FANCB: variants seen among roughly 807,000 people sequenced by gnomAD.
FANCB encodes Fanconi anemia group B protein.
In FANCB, 5 loss-of-function variants were observed where a neutral mutation model predicts 38.9. The observed-to-expected ratio is 0.13, with a 90% CI of 0.07 to 0.27. The LOEUF is 0.27. Among genes scored for constraint, FANCB ranks in the 10% least tolerant of loss-of-function variants. The probability of loss-of-function intolerance (pLI) is 1.00; values close to 1 mark genes in which losing one functional copy is unlikely to be tolerated. For synonymous variants in FANCB, 236 were observed against 215.4 expected (o/e 1.10, Z -0.84); for missense variants, 573 against 602.7 (o/e 0.95, Z 0.52).
At chrX:14,850,745 A>C in intron 6 of FANCB, 71 bp from the exon 7 acceptor site, 1 of 634,928 alleles carries the variant, frequency 1.6e-6, no homozygotes, top group South Asian at 2.7e-5. Context: ...AAAAAAAAAA[A>C]GTTAAGTGTG....
the FANCB span, among the ~76,000 whole-genome samples, chrX:14,724,616 A>G: frequency 1.1e-5 from 1 of 87,935 alleles, no homozygotes; most frequent in Admixed American, 1.2e-4. Flanking sequence ...ACAAAAGCAA[A>G]ACTCTGTCTC....
At chrX:14,702,156 A>G in the FANCB span, among the ~76,000 whole-genome samples, 2 of 111,856 alleles carry the variant, frequency 1.8e-5, no homozygotes, top group East Asian at 5.6e-4. Context: ...TGCTTTCACT[A>G]CATCATAAAA....
the FANCB span, among the ~76,000 whole-genome samples, chrX:14,770,765 C>G: frequency 8.9e-6 from 1 of 112,172 alleles, no homozygotes; most frequent in African/African-American, 3.2e-5. Context: ...TTTGTAGTGA[C>G]TGATAATGGT....
At chrX:14,828,313 T>C in the FANCB span, among the ~76,000 whole-genome samples, 1 of 112,034 alleles carries the variant, frequency 8.9e-6, no homozygotes, top group Non-Finnish European at 1.9e-5. Context: ...CAGGAAAGAT[T>C]TCTCTGTAGC....
the FANCB span, among the ~76,000 whole-genome samples, chrX:14,745,985 C>T: frequency 9.0e-6 from 1 of 110,813 alleles, no homozygotes; most frequent in Non-Finnish European, 1.9e-5. Context: ...CAGGCGTGAG[C>T]CACCGCACCC....
chrX:14,691,401 C>G, the FANCB span, among the ~76,000 whole-genome samples: 5 of 108,865 alleles, frequency 4.6e-5, no homozygotes, highest in African/African-American at 1.7e-4. Context: ...GTAAATTATG[C>G]CGTACCCATG....
chrX:14,793,270 G>T, the FANCB span, among the ~76,000 whole-genome samples: 162 of 112,274 alleles, frequency 1.4e-3, no homozygotes, highest in Non-Finnish European at 2.2e-3. Context: ...AATGAACATT[G>T]AAAACATTAT....
At chrX:14,859,782 A>G (rs938760339) in intron 3 of FANCB, among the ~76,000 whole-genome samples, 5 of 111,947 alleles carry the variant, frequency 4.5e-5, no homozygotes, top group Admixed American at 9.4e-5. Context: ...CAGACAAATT[A>G]CCCAAGGAAT....
At chrX:14,696,219 CGAGGGAGG>C in the FANCB span, among the ~76,000 whole-genome samples, 9 of 34,937 alleles carry the variant, frequency 2.6e-4, no homozygotes, top group Non-Finnish European at 3.5e-4. Context: ...AGGGAGAGTG[CGAGGGAGG>C]GAGGGAGGGA....
the FANCB span, among the ~76,000 whole-genome samples, chrX:14,787,576 T>C: frequency 9.1e-6 from 1 of 110,110 alleles, no homozygotes; most frequent in African/African-American, 3.3e-5. Flanking sequence ...AGGTAAAGTG[T>C]TGGATATGTT....
the FANCB span, among the ~76,000 whole-genome samples, chrX:14,789,738 T>C: frequency 9.0e-6 from 1 of 111,577 alleles, no homozygotes; most frequent in Non-Finnish European, 1.9e-5. Context: ...CCTTGTGCCA[T>C]TTTCTGTAGC....
intron 1 of FANCB, among the ~76,000 whole-genome samples, chrX:14,870,688 C>T (rs2092492151): frequency 9.0e-6 from 1 of 111,173 alleles, no homozygotes; most frequent in African/African-American, 3.3e-5. Context: ...CTCTTTACTG[C>T]CCCCCCTCTT....
At chrX:14,702,909 A>C in the FANCB span, among the ~76,000 whole-genome samples, 3,255 of 111,343 alleles carry the variant, frequency 0.029, 60 homozygotes, top group Non-Finnish European at 0.047. Context: ...GGAGAGGACA[A>C]GGGGACTCCC....
the FANCB span, among the ~76,000 whole-genome samples, chrX:14,779,197 A>C: frequency 8.9e-6 from 1 of 112,112 alleles, no homozygotes. Context: ...TAACTCCTTC[A>C]CCATTTTCTC....
chrX:14,722,253 G>A, the FANCB span, among the ~76,000 whole-genome samples: 3 of 111,397 alleles, frequency 2.7e-5, no homozygotes, highest in Non-Finnish European at 5.7e-5. Context: ...CAGTAACTGG[G>A]GCTGGAACAG....
the FANCB span, among the ~76,000 whole-genome samples, chrX:14,769,502 T>G: frequency 8.9e-6 from 1 of 112,127 alleles, no homozygotes; most frequent in Admixed American, 9.5e-5. Context: ...TCATTGGTGA[T>G]ATCTTCCTTA....
intron 6 of FANCB, among the ~76,000 whole-genome samples, chrX:14,852,164 G>T (rs753951593): frequency 1.1e-4 from 12 of 109,624 alleles, no homozygotes; most frequent in African/African-American, 4.0e-4. Context: ...GAGACCCAAG[G>T]AGGTTCTTTT....
chrX:14,739,045 T>G, the FANCB span, among the ~76,000 whole-genome samples: 69 of 112,138 alleles, frequency 6.2e-4, no homozygotes, highest in African/African-American at 2.2e-3. Flanking sequence ...ATTTGTGGGA[T>G]GAATCTAAAC....
chrX:14,707,481 T>C, the FANCB span, among the ~76,000 whole-genome samples: 2 of 111,063 alleles, frequency 1.8e-5, no homozygotes, highest in Non-Finnish European at 3.8e-5. Flanking sequence ...CATGAGAATA[T>C]TGCATGATAC....
Sources: gnomAD v4.1 joint callset for allele counts (sites outside exome capture counted in the v4.1 genomes callset) on GRCh38, gnomAD v4.1.1 for gene constraint, MANE v1.5 for transcripts, NCBI Gene and HGNC (gene_info 2026-07-23, HGNC 2026-07-21) for gene names.